TLN2: variants seen among roughly 807,000 people sequenced by gnomAD.
The protein encoded by TLN2 is talin-2.
A neutral mutation model predicts 294.7 loss-of-function variants in TLN2; 118 were observed. The ratio of observed to expected loss-of-function variants is 0.40; its 90% CI spans 0.34 to 0.47. TLN2 has a LOEUF of 0.47. Among genes scored for constraint, TLN2 ranks in the 20% least tolerant of loss-of-function variants. The pLI, the probability that TLN2 is intolerant of heterozygous loss-of-function variation, is 0.84. For missense variants in TLN2, 3,083 were observed against 3,282.2 expected, an observed-to-expected ratio of 0.94 and a Z score of 1.48; for synonymous variants, 1,431 against 1,304.5, an observed-to-expected ratio of 1.10 and a Z score of -2.09.
At chr15:62,697,486 A>C (rs1352990417) in intron 14 of TLN2, among the ~76,000 whole-genome samples, 3 of 152,202 alleles carry the variant, frequency 2.0e-5, no homozygotes, top group Non-Finnish European at 2.9e-5. Flanking sequence ...TATTTACATT[A>C]CTTATCATAA....
intron 28 of TLN2, among the ~76,000 whole-genome samples, chr15:62,727,601 A>G (rs1211160924): frequency 6.6e-6 from 1 of 152,242 alleles, no homozygotes; most frequent in East Asian, 1.9e-4. Flanking sequence ...CAGAAAGCTG[A>G]GGGGTAGGGG....
At chr15:62,727,695 A>G (rs1007611069) in intron 28 of TLN2, among the ~76,000 whole-genome samples, 2 of 152,234 alleles carry the variant, frequency 1.3e-5, no homozygotes, top group African/African-American at 2.4e-5. Context: ...GACTCCTTAA[A>G]CATCTCTATA....
At chr15:62,784,081 C>A in intron 45 of TLN2, 191 bp downstream of exon 45, 1 of 963,794 alleles carries the variant, frequency 1.0e-6, no homozygotes, top group Non-Finnish European at 1.5e-6. Context: ...CTCACTGCCC[C>A]TTATGGGGCA....
chr15:62,698,167 A>T (rs1246053997), intron 15 of TLN2, among the ~76,000 whole-genome samples: 4 of 152,208 alleles, frequency 2.6e-5, no homozygotes, highest in African/African-American at 9.7e-5. Context: ...CCCCTAGGAA[A>T]GTCTGAGAAG....
At chr15:62,399,942 G>A (rs2032894127) in intron 1 of TLN2, among the ~76,000 whole-genome samples, 1 of 152,178 alleles carries the variant, frequency 6.6e-6, no homozygotes, top group Non-Finnish European at 1.5e-5. Context: ...GTTTTGAAAT[G>A]TGAGGACATG....
chr15:62,823,495 T>C (rs2067759567), intron 54 of TLN2, among the ~76,000 whole-genome samples: 1 of 152,190 alleles, frequency 6.6e-6, no homozygotes, highest in Admixed American at 6.5e-5. Flanking sequence ...AACCCTACCC[T>C]GGTACACACA....
chr15:62,429,233 A>G (rs2034884220), intron 1 of TLN2, among the ~76,000 whole-genome samples: 2 of 152,056 alleles, frequency 1.3e-5, no homozygotes, highest in South Asian at 4.1e-4. Flanking sequence ...CTGGTAGCAA[A>G]CTGAGGAGAG....
intron 1 of TLN2, among the ~76,000 whole-genome samples, chr15:62,571,161 T>C (rs1248719811): frequency 6.6e-6 from 1 of 152,208 alleles, no homozygotes; most frequent in Non-Finnish European, 1.5e-5. Context: ...AAAATGTAGA[T>C]GCCAGTTGCA....
chr15:62,785,660 A>AAG (rs1366914703), intron 45 of TLN2, among the ~76,000 whole-genome samples: 1 of 151,718 alleles, frequency 6.6e-6, no homozygotes, highest in Non-Finnish European at 1.5e-5. Flanking sequence ...CAAAAAAAAA[A>AAG]AAAAAAGGGG....
intron 51 of TLN2, among the ~76,000 whole-genome samples, chr15:62,806,368 G>A (rs1049836253): frequency 1.3e-5 from 2 of 152,170 alleles, no homozygotes; most frequent in African/African-American, 4.8e-5. Context: ...GTGTGGTGGA[G>A]GCCTCTCCGA....
intron 1 of TLN2, among the ~76,000 whole-genome samples, chr15:62,455,988 C>T (rs894740560): frequency 1.1e-4 from 16 of 151,844 alleles, no homozygotes; most frequent in African/African-American, 2.4e-4. Context: ...TCTGCAGTTG[C>T]GAACCCCAGA....
At chr15:62,447,642 C>T (rs1198195959) in intron 1 of TLN2, among the ~76,000 whole-genome samples, 3 of 151,886 alleles carry the variant, frequency 2.0e-5, no homozygotes, top group South Asian at 2.1e-4. Context: ...TGTGGGCACC[C>T]GCCACCACGC....
At chr15:62,786,447 CTTCT>C (rs2064664758) in intron 45 of TLN2, among the ~76,000 whole-genome samples, 1 of 152,116 alleles carries the variant, frequency 6.6e-6, no homozygotes, top group African/African-American at 2.4e-5. Context: ...ACTTTGAAAA[CTTCT>C]TTCTTTGGAA....
At chr15:62,670,438 A>G (rs959899940) in intron 9 of TLN2, among the ~76,000 whole-genome samples, 3 of 152,132 alleles carry the variant, frequency 2.0e-5, no homozygotes, top group Non-Finnish European at 1.5e-5. Context: ...GTGCCGTCCA[A>G]TTCTCTCTGA....
chr15:62,582,244 A>ACACACACACACACACC (rs2045168601), intron 1 of TLN2, among the ~76,000 whole-genome samples: 1 of 102,726 alleles, frequency 9.7e-6, no homozygotes, highest in South Asian at 3.8e-4. Flanking sequence ...ACACACACAC[A>ACACACACACACACACC]CACATTCATG....
chr15:62,620,128 A>G (rs1227193611), intron 3 of TLN2, among the ~76,000 whole-genome samples: 1 of 152,110 alleles, frequency 6.6e-6, no homozygotes, highest in Non-Finnish European at 1.5e-5. Flanking sequence ...GCTGGGTTCC[A>G]CCACACCGGC....
chr15:62,572,583 T>C (rs1222802823), intron 1 of TLN2, among the ~76,000 whole-genome samples: 2 of 152,184 alleles, frequency 1.3e-5, no homozygotes, highest in Admixed American at 1.3e-4. Flanking sequence ...TCTGCCAAAC[T>C]TTTCTATGCC....
At position 62,819,570 on chromosome 15, in the gene TLN2, C is replaced by T; in HGVS notation, c.6826C>T (p.Arg2276Ter). 3.1e-6 allele frequency: 5 copies of T among 1,613,638 alleles called. No homozygotes were observed. Among genetic ancestry groups the T allele is most frequent in the Non-Finnish European group, 4.2e-6 (5 of 1,180,018 alleles). ...FKQQLAAFSK[R>*]VAGAVTELIQ... ...GCAGCAGCTGGCCGCTTTCTCCAAG[C>T]GAGTCGCCGGCGCTGTGACAGAGCT... Residue 2276 changes from arginine (R) to a stop codon, truncating the protein, a stop_gained, in exon 53 of 59, where the codon CGA becomes TGA. Transcript: ENST00000636159. LOFTEE classifies it high-confidence loss of function.
At chr15:62,638,313 G>C (rs2050615164) in intron 3 of TLN2, 1 of 349,828 alleles carries the variant, frequency 2.9e-6, no homozygotes, top group Non-Finnish European at 5.6e-6. Context: ...TTGCCCGGAG[G>C]GTTCTGAAAC....
Sources: gnomAD v4.1 joint callset for allele counts (sites outside exome capture counted in the v4.1 genomes callset) on GRCh38, gnomAD v4.1.1 for gene constraint, MANE v1.5 for transcripts, NCBI Gene and HGNC (gene_info 2026-07-23, HGNC 2026-07-21) for gene names.